The following FRY variants were observed in gnomAD, a reference collection of about 807,000 sequenced individuals.
FRY encodes the protein protein furry homolog.
Under a neutral mutation model 348.4 loss-of-function variants are expected in FRY, and 128 were observed. That is an observed-to-expected ratio of 0.37 (90% CI 0.32 to 0.43). FRY has a LOEUF of 0.43. FRY is among the 20% of genes least tolerant of loss of function. FRY has a pLI of 1.00. For synonymous variants in FRY, 1,370 were observed against 1,374.7 expected (o/e 1.00, Z 0.08); for missense variants, 2,736 against 3,695.2 (o/e 0.74, Z 6.73).
chr13:32,066,997 T>C (rs1436259566), intron 1 of FRY, among the ~76,000 whole-genome samples: 1 of 152,238 alleles, frequency 6.6e-6, no homozygotes, highest in African/African-American at 2.4e-5. Flanking sequence ...AATTGTGCCA[T>C]GCACGGTGCT....
chr13:32,124,050 C>G (rs1469507714), intron 4 of FRY, among the ~76,000 whole-genome samples: 1 of 152,178 alleles, frequency 6.6e-6, no homozygotes, highest in Non-Finnish European at 1.5e-5. Flanking sequence ...GTGGGCCAAG[C>G]TGTTCTCAAA....
At chr13:32,146,928 A>T (rs1408950173) in intron 11 of FRY, among the ~76,000 whole-genome samples, 1 of 152,212 alleles carries the variant, frequency 6.6e-6, no homozygotes, top group African/African-American at 2.4e-5. Context: ...AAAAGGACAT[A>T]ATCAACAATA....
intron 47 of FRY, among the ~76,000 whole-genome samples, chr13:32,246,174 A>G (rs1886787130): frequency 6.6e-6 from 1 of 152,206 alleles, no homozygotes; most frequent in South Asian, 2.1e-4. Context: ...GATACTTTTT[A>G]TCTTAACTCA....
At chr13:32,143,137 C>T (rs948818301) in intron 11 of FRY, among the ~76,000 whole-genome samples, 12 of 152,258 alleles carry the variant, frequency 7.9e-5, no homozygotes, top group African/African-American at 2.6e-4. Context: ...ACAAAAGGCC[C>T]CTCATGTGCT....
At chr13:32,060,406 C>T (rs1873875217) in intron 1 of FRY, among the ~76,000 whole-genome samples, 1 of 152,104 alleles carries the variant, frequency 6.6e-6, no homozygotes, top group Admixed American at 6.5e-5. Context: ...GATTTGAATC[C>T]AATCACTTTT....
At chr13:32,094,610 C>A (rs1876565713) in intron 2 of FRY, among the ~76,000 whole-genome samples, 1 of 152,068 alleles carries the variant, frequency 6.6e-6, no homozygotes, top group South Asian at 2.1e-4. Context: ...TGAGAACATG[C>A]AATGTTTATC....
intron 55 of FRY, among the ~76,000 whole-genome samples, chr13:32,272,995 C>T (rs1888281993): frequency 6.6e-6 from 1 of 151,878 alleles, no homozygotes; most frequent in Admixed American, 6.6e-5. Context: ...CCTCCTGCCT[C>T]GGCCTCCCAA....
chr13:32,121,322 T>G (rs1464539868), intron 4 of FRY, among the ~76,000 whole-genome samples: 1 of 152,242 alleles, frequency 6.6e-6, no homozygotes, highest in East Asian at 1.9e-4. Context: ...GTAATTCTAC[T>G]TTTAGTTCTT....
chr13:32,192,343 G>T (rs541102029), intron 28 of FRY, among the ~76,000 whole-genome samples: 1 of 128,676 alleles, frequency 7.8e-6, no homozygotes, highest in African/African-American at 2.7e-5. Flanking sequence ...CTGTCCCCCC[G>T]GCTGGAGTGC....
chr13:32,083,935 A>G (rs1875677156), intron 2 of FRY, among the ~76,000 whole-genome samples: 1 of 152,154 alleles, frequency 6.6e-6, no homozygotes, highest in South Asian at 2.1e-4. Context: ...GGATAATGAA[A>G]CAAACAGTCC....
At chr13:32,176,034 C>T (rs1362259939) in intron 20 of FRY, among the ~76,000 whole-genome samples, 1 of 152,134 alleles carries the variant, frequency 6.6e-6, no homozygotes, top group Non-Finnish European at 1.5e-5. Flanking sequence ...ATTTGATTCT[C>T]ACAGTTACTG....
chr13:32,088,889 C>T (rs980278374), intron 2 of FRY, among the ~76,000 whole-genome samples: 3 of 152,230 alleles, frequency 2.0e-5, no homozygotes, highest in East Asian at 1.9e-4. Context: ...TTCCTCATTT[C>T]GGTCTAGTTT....
intron 51 of FRY, among the ~76,000 whole-genome samples, chr13:32,261,267 C>T (rs1449104649): frequency 1.3e-5 from 2 of 152,146 alleles, no homozygotes; most frequent in African/African-American, 4.8e-5. Flanking sequence ...TGGGTGACAC[C>T]TCTTTTGAAG....
chr13:32,108,390 G>A (rs906052945), intron 3 of FRY, among the ~76,000 whole-genome samples: 11 of 152,298 alleles, frequency 7.2e-5, no homozygotes, highest in South Asian at 2.1e-4. Flanking sequence ...TTATGCAAAG[G>A]TCCTGAACAG....
rs1222520311 is a variant in FRY, at chr13:32,231,285, A to C, written c.5512A>C (p.Lys1838Gln). ...NFLRHVVSVF[K>Q]DSKSGFHLEH... Reference sequence around the variant, plus strand: ...TCTACGTCACGTTGTATCTGTATTTAAAGATTCCAAATCAGGTACTTCATC... The same window carrying C: ...TCTACGTCACGTTGTATCTGTATTTCAAGATTCCAAATCAGGTACTTCATC... The change falls in exon 41 of 61, where the codon AAA becomes CAA. Residue 1838 changes from lysine (K) to glutamine (Q), a missense_variant. Around this residue, in one of 9 missense-constraint regions of FRY, gnomAD observed 794 missense variants for 977.0 expected, o/e 0.81. Coordinates refer to ENST00000542859, the MANE Select transcript of FRY (RefSeq NM_023037.3). 6.2e-7 allele frequency: 1 copy of C among 1,613,474 alleles called. No homozygotes were observed. The highest frequency in any genetic ancestry group is 1.3e-5 in the African/African-American group (1 of 74,928).
chr13:32,225,961 A>C lies in FRY; in HGVS notation c.5193A>C (p.Glu1731Asp). 1 of 1,614,038 alleles carries C rather than the reference A, an allele frequency of 6.2e-7. No individual in the cohort carries two copies. The highest frequency in any genetic ancestry group is 8.5e-7 in the Non-Finnish European group (1 of 1,179,900). Residue 1731 changes from glutamate to aspartate, a missense_variant, in exon 39 of 61, where the codon GAA becomes GAC. Physicochemically the swap from Glu to Asp is conservative, Grantham distance 45. This residue lies in a region of FRY where 794 missense variants were observed against 977.0 expected (regional missense o/e 0.81). Coordinates refer to ENST00000542859, the MANE Select transcript of FRY (RefSeq NM_023037.3). The stretch of plus-strand genomic sequence containing the variant: ...CCGTGCAGCCAGCCTACCAACCTGA[A>C]TATCTCTATACAGGTAACAGAGAAG... Reference protein sequence around the residue: ...TLTVQPAYQPEYLYTGGFDFL... With the variant: ...TLTVQPAYQPDYLYTGGFDFL...
intron 2 of FRY, among the ~76,000 whole-genome samples, chr13:32,099,397 A>G (rs1877000628): frequency 6.6e-6 from 1 of 151,850 alleles, no homozygotes; most frequent in South Asian, 2.1e-4. Context: ...AGTAACATAA[A>G]ATGCTCTGCT....
chr13:32,100,571 C>T (rs1056674039), intron 2 of FRY, among the ~76,000 whole-genome samples: 1 of 150,988 alleles, frequency 6.6e-6, no homozygotes, highest in African/African-American at 2.5e-5. Flanking sequence ...ATGAGTAAAT[C>T]AAGCTAATTA....
rs1889524888 is a variant in FRY at position 32,294,383 on chromosome 13, A to C, written c.8596A>C (p.Arg2866=). 10 of 1,612,870 alleles carry C rather than the reference A, an allele frequency of 6.2e-6. No individual in the cohort carries two copies. The highest frequency in any genetic ancestry group is 7.6e-6 in the Non-Finnish European group (9 of 1,178,892). The change falls in exon 60 of 61, where the codon AGG becomes CGG. Residue 2866 remains arginine (R), a synonymous_variant. Transcript: ENST00000542859. The stretch of plus-strand genomic sequence containing the variant: ...TTTTAAATAGCTGCTGAATATGTCC[A>C]GGGAACTGAGTGACCTAAAGAAACA... ...SSMPELLNMS[R]ELSDLKKHLK...
Sources: allele counts gnomAD v4.1 joint callset (sites outside exome capture counted in the v4.1 genomes callset), GRCh38; gene constraint gnomAD v4.1.1; regional missense constraint gnomAD v4.1.1; transcripts MANE v1.5; gene names NCBI Gene and HGNC (gene_info 2026-07-23, HGNC 2026-07-21).